ELAVL4: variants seen among roughly 807,000 people sequenced by gnomAD.
The protein encoded by ELAVL4 is ELAV like RNA binding protein 4.
ELAVL4 carries 1 observed loss-of-function variant against 35.6 expected under a neutral mutation model. That is an observed-to-expected ratio of 0.03 (90% CI 0.01 to 0.13). The LOEUF is 0.13. Ranked by LOEUF, ELAVL4 falls within the 10% of genes least tolerant of loss-of-function variation. The probability of loss-of-function intolerance (pLI) is 1.00; values close to 1 mark genes in which losing one functional copy is unlikely to be tolerated. For synonymous variants in ELAVL4, 156 were observed against 171.0 expected (o/e 0.91, Z 0.69); for missense variants, 267 against 464.9 (o/e 0.57, Z 3.91).
At chr1:50,073,073 T>C (rs573612179) in intron 1 of ELAVL4, among the ~76,000 whole-genome samples, 1 of 152,156 alleles carries the variant, frequency 6.6e-6, no homozygotes, top group Admixed American at 6.6e-5. Flanking sequence ...GTACCATGAG[T>C]GTATCTTGAG....
At chr1:50,119,094 A>AAGAAAGAAAAAG (rs372191131) in intron 1 of ELAVL4, among the ~76,000 whole-genome samples, 1 of 105,514 alleles carries the variant, frequency 9.5e-6, no homozygotes, top group Non-Finnish European at 2.0e-5. Flanking sequence ...GAAAGAAAGA[A>AAGAAAGAAAAAG]AAAGAAAAAG....
At chr1:50,163,946 G>C (rs1677270748) in intron 2 of ELAVL4, among the ~76,000 whole-genome samples, 1 of 152,138 alleles carries the variant, frequency 6.6e-6, no homozygotes, top group African/African-American at 2.4e-5. Flanking sequence ...ACAGCAGAAA[G>C]TACACTGGCT....
At chr1:50,096,932 T>C (rs1665740519) in intron 1 of ELAVL4, among the ~76,000 whole-genome samples, 1 of 152,166 alleles carries the variant, frequency 6.6e-6, no homozygotes, top group Non-Finnish European at 1.5e-5. Context: ...TTAAAATAGC[T>C]TGGTTAGGCA....
At chr1:50,173,854 G>T (rs1258651566) in intron 2 of ELAVL4, among the ~76,000 whole-genome samples, 1 of 152,114 alleles carries the variant, frequency 6.6e-6, no homozygotes, top group Non-Finnish European at 1.5e-5. Flanking sequence ...AAAAGAAAGA[G>T]TAATAAAAAG....
chr1:50,186,667 G>A lies in ELAVL4; in HGVS notation c.355-7098G>A, dbSNP rs190211576. ...TTTCTGGACATATTCAGAAAACTGTGACATGTTTTTGTCTGAACTGGAGCA... is the reference window on the plus strand; with the variant it reads ...TTTCTGGACATATTCAGAAAACTGTAACATGTTTTTGTCTGAACTGGAGCA... On this transcript the variant is annotated intron_variant, in intron 3 of 6. Transcript: ENST00000371824. Among the ~76,000 whole-genome samples the A allele has an allele frequency of 1.9e-3, 288 of 152,284 alleles. 1 individual carries two copies. The highest frequency in any genetic ancestry group is 3.3e-3 in the Non-Finnish European group (225 of 68,008).
intron 1 of ELAVL4, among the ~76,000 whole-genome samples, chr1:50,052,756 A>G (rs969416333): frequency 3.5e-4 from 54 of 152,216 alleles, no homozygotes; most frequent in African/African-American, 1.3e-3. Context: ...CCTACTACAC[A>G]GTTTATTCTC....
At chr1:50,148,811 C>G (rs1340695274) in intron 2 of ELAVL4, among the ~76,000 whole-genome samples, 2 of 152,200 alleles carry the variant, frequency 1.3e-5, no homozygotes, top group Non-Finnish European at 2.9e-5. Flanking sequence ...TTCCCATGGA[C>G]TCCAAGGAGT....
At chr1:50,073,141 C>G (rs1180440122) in intron 1 of ELAVL4, among the ~76,000 whole-genome samples, 2 of 152,212 alleles carry the variant, frequency 1.3e-5, no homozygotes, top group African/African-American at 2.4e-5. Flanking sequence ...CACAGACACA[C>G]AGTCTCCCTC....
Position 50,109,016 on chromosome 1 carries a change from C to CGGGGGGGGGGGGGGCG in ELAVL4, c.-174_-173insGGGGGGGGGGGGGGCG. 1 of 905,774 alleles carries CGGGGGGGGGGGGGGCG rather than the reference C, an allele frequency of 1.1e-6. No homozygotes were observed. The highest frequency in any genetic ancestry group is 1.3e-6 in the Non-Finnish European group (1 of 761,388). The allele number at this position is 905,774 out of a possible 1,614,324, so 56.1% of individuals were successfully genotyped here. On this transcript the variant is annotated 5_prime_UTR_variant, in exon 1 of 7. Transcript: ENST00000371824. ...CTCCTTTTCTTTTTTTTCTTTCTCT[C>CGGGGGGGGGGGGGGCG]CCCCGCCCACCCCCCCAAAAATAAT...
rs548071388 is a variant in ELAVL4 at position 50,152,060 on chromosome 1, G to A, written c.250+6863G>A. Reference sequence around the variant, plus strand: ...CCTTTCTAATTAGGGCAGGTTGGCAGTTGAGTGGAGCTGTGAGGTTTAGGG... The same window carrying A: ...CCTTTCTAATTAGGGCAGGTTGGCAATTGAGTGGAGCTGTGAGGTTTAGGG... On this transcript the variant is annotated intron_variant, in intron 2 of 6. Coordinates refer to ENST00000371824, the MANE Select transcript of ELAVL4 (RefSeq NM_001144774.3). Among the ~76,000 whole-genome samples, 85 of 152,262 alleles carry A rather than the reference G, an allele frequency of 5.6e-4. 1 individual carries two copies. Among genetic ancestry groups the A allele is most frequent in the African/African-American group, 1.9e-3 (80 of 41,560 alleles).
At chr1:50,153,713 C>T (rs1387004091) in intron 2 of ELAVL4, among the ~76,000 whole-genome samples, 1 of 152,104 alleles carries the variant, frequency 6.6e-6, no homozygotes, top group African/African-American at 2.4e-5. Context: ...TTTATGTCCC[C>T]GCAAAATTCT....
chr1:50,166,973 G>A (rs1043662807), intron 2 of ELAVL4, among the ~76,000 whole-genome samples: 2 of 152,188 alleles, frequency 1.3e-5, no homozygotes, highest in Admixed American at 6.5e-5. Context: ...CCAGCAGAAC[G>A]TGGTGTTGCA....
At chr1:50,048,210 A>C (rs1663168802) in intron 1 of ELAVL4, 1 of 1,504,938 alleles carries the variant, frequency 6.6e-7, no homozygotes, top group African/African-American at 1.4e-5. Flanking sequence ...CAGGCCCCGC[A>C]CCCCCGACTC....
chr1:50,196,066 TCA>T (rs1201717128), intron 5 of ELAVL4, among the ~76,000 whole-genome samples: 3 of 152,262 alleles, frequency 2.0e-5, no homozygotes, highest in African/African-American at 7.2e-5. Flanking sequence ...ACATGAAGGT[TCA>T]GTTTCAACAA....
chr1:50,131,183 T>G (rs1214501949), intron 1 of ELAVL4, among the ~76,000 whole-genome samples: 1 of 152,154 alleles, frequency 6.6e-6, no homozygotes, highest in Non-Finnish European at 1.5e-5. Flanking sequence ...TAAATATTCT[T>G]AGGGACATAG....
At chr1:50,104,407 A>G (rs1666152294), upstream of ELAVL4, among the ~76,000 whole-genome samples, 1 of 152,226 alleles carries the variant, frequency 6.6e-6, no homozygotes, top group African/African-American at 2.4e-5. Context: ...TACAACCAGA[A>G]TTTGATGAGA....
At chr1:50,193,159 C>T (rs755380561) in intron 3 of ELAVL4, among the ~76,000 whole-genome samples, 19 of 152,102 alleles carry the variant, frequency 1.2e-4, no homozygotes, top group Admixed American at 2.0e-4. Flanking sequence ...TATCCAGTTT[C>T]GCAAGCAGAT....
intron 6 of ELAVL4, among the ~76,000 whole-genome samples, chr1:50,198,794 C>T (rs1251307992): frequency 6.6e-6 from 1 of 152,194 alleles, no homozygotes; most frequent in Non-Finnish European, 1.5e-5. Context: ...GAGTAAACAT[C>T]ACTAGCTGAT....
chr1:50,168,668 T>C (rs1373469738), intron 2 of ELAVL4, among the ~76,000 whole-genome samples: 1 of 152,134 alleles, frequency 6.6e-6, no homozygotes, highest in Non-Finnish European at 1.5e-5. Flanking sequence ...GTCACTAAAC[T>C]CCTTGCCACT....
Sources: allele counts gnomAD v4.1 joint callset (sites outside exome capture counted in the v4.1 genomes callset), GRCh38; gene constraint gnomAD v4.1.1; transcripts MANE v1.5; gene names NCBI Gene and HGNC (gene_info 2026-07-23, HGNC 2026-07-21).